LHX9: variants seen among roughly 807,000 people sequenced by gnomAD.
The protein encoded by LHX9 is LIM homeobox 9, also known as LIM/homeobox protein Lhx9.
Under a neutral mutation model 36.5 loss-of-function variants are expected in LHX9, and 9 were observed. That is an observed-to-expected ratio of 0.25 (90% CI 0.15 to 0.43). LHX9 has a LOEUF of 0.43. LHX9 is among the 20% of genes least tolerant of loss of function. The probability of loss-of-function intolerance (pLI) is 1.00; values close to 1 mark genes in which losing one functional copy is unlikely to be tolerated. For synonymous variants in LHX9, 211 were observed against 212.1 expected, an observed-to-expected ratio of 0.99 and a Z score of 0.04; for missense variants, 464 against 526.4, an observed-to-expected ratio of 0.88 and a Z score of 1.16.
upstream of LHX9, chr1:197,916,608 A>G: frequency 1.4e-6 from 1 of 701,922 alleles, no homozygotes. Context: ...CCGTGTGTAC[A>G]GGTCCATGCC....
chr1:197,925,742 G>A (rs1233870148), intron 3 of LHX9, among the ~76,000 whole-genome samples: 1 of 152,140 alleles, frequency 6.6e-6, no homozygotes, highest in Non-Finnish European at 1.5e-5. Context: ...CTGGACATAT[G>A]GTAGCCTTTC....
chr1:197,927,522 G>A, intron 3 of LHX9, 69 bp from the exon 4 acceptor site: 1 of 1,318,174 alleles, frequency 7.6e-7, no homozygotes, highest in Non-Finnish European at 1.1e-6. Context: ...GTGTCATACA[G>A]CCTGCCATCA....
upstream of LHX9, among the ~76,000 whole-genome samples, chr1:197,914,448 G>A (rs1396209000): frequency 6.6e-6 from 1 of 152,052 alleles, no homozygotes; most frequent in African/African-American, 2.4e-5. Flanking sequence ...CTCTGCTGGA[G>A]AGGTGAAAGA....
chr1:197,919,294 G>A (rs1659890727), intron 1 of LHX9, among the ~76,000 whole-genome samples: 1 of 152,216 alleles, frequency 6.6e-6, no homozygotes, highest in South Asian at 2.1e-4. Flanking sequence ...CAGTACGCCT[G>A]TTGATGCTAG....
upstream of LHX9, chr1:197,917,226 A>T: frequency 8.4e-7 from 1 of 1,189,112 alleles, no homozygotes; most frequent in South Asian, 1.7e-5. Flanking sequence ...CTTGCCCATC[A>T]CCAGGGGGTT....
In LHX9 at chr1:197,921,813, G is replaced by A. The variant is rs913659496; in HGVS notation, c.733+154G>A. ...CCCTCTCACTCTGAAGGAAGGGAGA[G>A]AGGGAGGAGGAGGGGGGAAGGGAGG... is the stretch of plus-strand genomic sequence containing the variant. On this transcript the variant is annotated intron_variant, in intron 3 of 4. Transcript: ENST00000367387. The surrounding 1 kb of genome is among the most constrained non-coding windows in gnomAD (Gnocchi z 4.6). 6.6e-6 allele frequency among the ~76,000 whole-genome samples: 1 copy of A among 152,222 alleles called. No homozygotes were observed. The highest frequency in any genetic ancestry group is 2.4e-5 in the African/African-American group (1 of 41,452).
chr1:197,914,263 C>A (rs1403243433), upstream of LHX9, among the ~76,000 whole-genome samples: 2 of 152,206 alleles, frequency 1.3e-5, no homozygotes, highest in Non-Finnish European at 2.9e-5. Flanking sequence ...TTAGAGGAGA[C>A]TTAAGATCTT....
upstream of LHX9, among the ~76,000 whole-genome samples, chr1:197,915,216 A>G (rs866859731): frequency 1.8e-4 from 27 of 152,276 alleles, no homozygotes; most frequent in Admixed American, 9.8e-4. Context: ...TAGACAAAGT[A>G]GGTTGAAGTC....
upstream of LHX9, chr1:197,917,214 T>A: frequency 8.4e-7 from 1 of 1,196,636 alleles, no homozygotes; most frequent in Admixed American, 4.2e-5. Context: ...ATGTTTGTCC[T>A]GCTTGCCCAT....
upstream of LHX9, among the ~76,000 whole-genome samples, chr1:197,913,941 T>G (rs1659681604): frequency 6.6e-6 from 1 of 152,190 alleles, no homozygotes; most frequent in Non-Finnish European, 1.5e-5. Flanking sequence ...GGGTTTAATT[T>G]CCCTTTCCTC....
upstream of LHX9, chr1:197,912,624 A>G: frequency 6.6e-7 from 1 of 1,513,650 alleles, no homozygotes; most frequent in Non-Finnish European, 9.2e-7. Context: ...ATACCATGTG[A>G]GTGTGTGTGC....
chr1:197,931,825 A>C lies in LHX9; in HGVS notation c.*2566A>C, dbSNP rs1660334453. 2.4e-6 allele frequency: 2 copies of C among 833,884 alleles called. No individual in the cohort carries two copies. Among genetic ancestry groups the C allele is most frequent in the African/African-American group, 3.4e-5 (2 of 58,782 alleles). The allele number at this position is 833,884 out of a possible 1,614,324, so 51.7% of individuals were successfully genotyped here. A position where few individuals can be genotyped will look rare whatever the true frequency, so the allele number is the denominator to read the frequency against. ...AGATTTCATGTTAGGTCTATTGAGCACAAATGGATATTTGTAAATCTAAAT... is the reference window on the plus strand; with the variant it reads ...AGATTTCATGTTAGGTCTATTGAGCCCAAATGGATATTTGTAAATCTAAAT... On this transcript the variant is annotated 3_prime_UTR_variant, in exon 5 of 5. Coordinates refer to ENST00000367387, the MANE Select transcript of LHX9 (RefSeq NM_020204.3).
rs186216277 is a variant in LHX9 at position 197,928,985 on chromosome 1, T to C, written c.937-17T>C. 2.2e-4 allele frequency: 344 copies of C among 1,545,278 alleles called. No homozygotes were observed. In the African/African-American group the frequency reaches 4.3e-3, roughly 19 times the overall value. On this transcript the variant is annotated splice_polypyrimidine_tract_variant and intron_variant, in intron 4 of 4. Coordinates refer to ENST00000367387, the MANE Select transcript of LHX9 (RefSeq NM_020204.3). ...AAATGAACATCGGTAAAGAAATCAATTGGGATTGGTTTGCAGGTTTGGTTC... is the reference window on the plus strand; with the variant it reads ...AAATGAACATCGGTAAAGAAATCAACTGGGATTGGTTTGCAGGTTTGGTTC...
At chr1:197,922,052 A>AG (rs1173552650) in intron 3 of LHX9, among the ~76,000 whole-genome samples, 4 of 124,516 alleles carry the variant, frequency 3.2e-5, no homozygotes, top group Non-Finnish European at 8.1e-5. Context: ...TAAATACTGA[A>AG]GAAAAAAAAA....
In LHX9 at chr1:197,930,100, A is replaced by T; in HGVS notation, c.*841A>T. The T allele has an allele frequency of 1.0e-6, 1 of 954,710 alleles. No homozygotes were observed. The highest frequency in any genetic ancestry group is 1.2e-6 in the Non-Finnish European group (1 of 801,918). The allele number at this position is 954,710 out of a possible 1,614,324, so 59.1% of individuals were successfully genotyped here. Reference sequence around the variant, plus strand: ...TTTTTTTCCCAGGGAAAATGGAAATAAGCAAAATATAATGTTTTAAGAAGT... The same window carrying T: ...TTTTTTTCCCAGGGAAAATGGAAATTAGCAAAATATAATGTTTTAAGAAGT... On this transcript the variant is annotated 3_prime_UTR_variant, in exon 5 of 5. Transcript: ENST00000367387.
chr1:197,923,495 CAG>C (rs148599324), intron 3 of LHX9, among the ~76,000 whole-genome samples: 6,173 of 147,622 alleles, frequency 0.042, 162 homozygotes, highest in South Asian at 0.1. Flanking sequence ...CCCTAATTCC[CAG>C]AGAGAGAGAG....
chr1:197,917,178 G>A (rs977532369), upstream of LHX9: 1 of 861,534 alleles, frequency 1.2e-6, no homozygotes, highest in Non-Finnish European at 1.4e-6. Flanking sequence ...CTGCCTCCCC[G>A]CTCTCTATCC....
At chr1:197,914,553 G>A (rs994157706), upstream of LHX9, among the ~76,000 whole-genome samples, 4 of 152,054 alleles carry the variant, frequency 2.6e-5, no homozygotes, top group African/African-American at 9.7e-5. Context: ...TCTTTCTTGG[G>A]GGCTCCAAGA....
chr1:197,923,279 C>T (rs1571403506), intron 3 of LHX9, among the ~76,000 whole-genome samples: 1 of 152,234 alleles, frequency 6.6e-6, no homozygotes, highest in Admixed American at 6.5e-5. Flanking sequence ...GCGGGCGAAG[C>T]CCCGGGTTTT....
Sources: gnomAD v4.1 joint callset for allele counts (sites outside exome capture counted in the v4.1 genomes callset) on GRCh38, gnomAD v4.1.1 for gene constraint, Gnocchi (gnomAD v3.1) non-coding constraint, MANE v1.5 for transcripts, NCBI Gene and HGNC (gene_info 2026-07-23, HGNC 2026-07-21) for gene names.